The following PRKAR1B variants were observed in gnomAD, a reference collection of about 807,000 sequenced individuals.
The protein encoded by PRKAR1B is cAMP-dependent protein kinase type I-beta regulatory subunit.
Under a neutral mutation model 46.5 loss-of-function variants are expected in PRKAR1B, and 22 were observed. The observed-to-expected ratio is 0.47, with a 90% CI of 0.34 to 0.68. PRKAR1B has a LOEUF of 0.68. PRKAR1B is among the 30% of genes least tolerant of loss of function. PRKAR1B has a pLI of 0.01. For missense variants in PRKAR1B, 445 were observed against 535.6 expected, an observed-to-expected ratio of 0.83 and a Z score of 1.67; for synonymous variants, 259 against 217.7, an observed-to-expected ratio of 1.19 and a Z score of -1.67.
Position 550,682 on chromosome 7 carries a change from G to A in PRKAR1B, c.974-80C>T. The A allele has an allele frequency of 4.8e-6, 6 of 1,244,712 alleles. No individual in the cohort carries two copies. The South Asian group carries it at 6.4e-5, about 13-fold the overall frequency. 77.1% of individuals were successfully genotyped at this position (1,244,712 alleles called of 1,614,324 possible). A position where few individuals can be genotyped will look rare whatever the true frequency, so the allele number is the denominator to read the frequency against. On this transcript the variant is annotated intron_variant, in intron 10 of 10. Coordinates refer to ENST00000537384, the MANE Select transcript of PRKAR1B (RefSeq NM_001164760.2). ...AGGGAAAGATTATGTCCAGGACCCT[G>A]GAAGCGGCTCCCTTTTAAGGATAGG...
At chr7:646,968 G>A (rs1253928346) in intron 4 of PRKAR1B, among the ~76,000 whole-genome samples, 1 of 152,164 alleles carries the variant, frequency 6.6e-6, no homozygotes, top group African/African-American at 2.4e-5. Context: ...CCTGGCAGGG[G>A]TGACACTGCC....
rs146245836 is a variant in PRKAR1B at position 577,732 on chromosome 7, C to T, written c.891+1524G>A. 5.0e-3 allele frequency among the ~76,000 whole-genome samples: 759 copies of T among 152,320 alleles called. 4 individuals are homozygous for T. Among genetic ancestry groups the T allele is most frequent in the Non-Finnish European group, 8.7e-3 (590 of 68,042 alleles). ...CCACAGTTCAAACAACCATGGGGCA[C>T]AGGTGATGCATGTGGGCCCCAAAGT... is the stretch of plus-strand genomic sequence containing the variant. On this transcript the variant is annotated intron_variant, in intron 9 of 10. Coordinates refer to ENST00000537384, the MANE Select transcript of PRKAR1B (RefSeq NM_001164760.2).
At chr7:698,888 T>A (rs114291884) in intron 2 of PRKAR1B, among the ~76,000 whole-genome samples, 1 of 152,018 alleles carries the variant, frequency 6.6e-6, no homozygotes, top group Non-Finnish European at 1.5e-5. Flanking sequence ...GGCGGCTGTC[T>A]CCCCACCCCA....
At chr7:623,898 A>G (rs1393255118) in intron 4 of PRKAR1B, among the ~76,000 whole-genome samples, 1 of 152,216 alleles carries the variant, frequency 6.6e-6, no homozygotes, top group African/African-American at 2.4e-5. Flanking sequence ...GGTACAAGCC[A>G]AGTGTCCGCT....
At chr7:657,172 C>T (rs1400848256) in intron 4 of PRKAR1B, among the ~76,000 whole-genome samples, 1 of 149,886 alleles carries the variant, frequency 6.7e-6, no homozygotes, top group Non-Finnish European at 1.5e-5. Flanking sequence ...TGAATGGATG[C>T]ATGAGTGAAT....
At chr7:699,580 A>C (rs1479913449) in intron 2 of PRKAR1B, among the ~76,000 whole-genome samples, 1 of 151,950 alleles carries the variant, frequency 6.6e-6, no homozygotes, top group Admixed American at 6.6e-5. Context: ...TTGAAGCTCA[A>C]GCCGAGATCT....
chr7:571,398 A>G (rs1048587652), intron 9 of PRKAR1B, among the ~76,000 whole-genome samples: 3 of 152,154 alleles, frequency 2.0e-5, no homozygotes, highest in Non-Finnish European at 4.4e-5. Flanking sequence ...ATTTTGAACA[A>G]TGGGCCGTCC....
chr7:580,166 G>A (rs776269091), intron 8 of PRKAR1B, among the ~76,000 whole-genome samples: 19 of 151,496 alleles, frequency 1.3e-4, no homozygotes, highest in Middle Eastern at 3.4e-3. Flanking sequence ...GGGAGGTCGC[G>A]GCTGCAGTGA....
chr7:652,264 G>C (rs1320469027), intron 4 of PRKAR1B, among the ~76,000 whole-genome samples: 1 of 147,202 alleles, frequency 6.8e-6, no homozygotes, highest in Non-Finnish European at 1.5e-5. Flanking sequence ...TAGGAACCTG[G>C]GAAAACCCCT....
At chr7:582,169 G>GA (rs35955005) in intron 8 of PRKAR1B, among the ~76,000 whole-genome samples, 63,519 of 152,156 alleles carry the variant, frequency 0.42, 13,903 homozygotes, top group African/African-American at 0.48. Flanking sequence ...GCCCAGGGGG[G>GA]AACCCATCGT....
chr7:646,873 T>C (rs1404383401), intron 4 of PRKAR1B, among the ~76,000 whole-genome samples: 2 of 152,138 alleles, frequency 1.3e-5, no homozygotes, highest in African/African-American at 4.8e-5. Context: ...AAAAGGCCAT[T>C]AGCTGAGCTC....
chr7:558,830 T>C (rs1025803143), intron 9 of PRKAR1B, among the ~76,000 whole-genome samples: 1 of 152,186 alleles, frequency 6.6e-6, no homozygotes, highest in African/African-American at 2.4e-5. Context: ...CCCGGCTTCC[T>C]GTCCCTTGTC....
At chr7:676,926 C>T (rs185994640) in intron 4 of PRKAR1B, among the ~76,000 whole-genome samples, 58 of 146,202 alleles carry the variant, frequency 4.0e-4, no homozygotes, top group African/African-American at 1.1e-3. Flanking sequence ...GGGCAAGCAA[C>T]GGGGCCTGCC....
intron 4 of PRKAR1B, among the ~76,000 whole-genome samples, chr7:675,686 G>A (rs1051126458): frequency 2.6e-5 from 4 of 152,118 alleles, no homozygotes; most frequent in Non-Finnish European, 4.4e-5. Context: ...AGTGGCTCAC[G>A]CCTGTAATCC....
At chr7:551,837 T>C (rs1468379663) in intron 9 of PRKAR1B, among the ~76,000 whole-genome samples, 2 of 97,880 alleles carry the variant, frequency 2.0e-5, no homozygotes, top group East Asian at 3.2e-4. Flanking sequence ...CAGGTCCTTC[T>C]CCCAGAGCCA....
intron 4 of PRKAR1B, among the ~76,000 whole-genome samples, chr7:640,787 CACACACACACACACACACACAG>C (rs1352322341): frequency 1.2e-4 from 15 of 121,188 alleles, no homozygotes; most frequent in Admixed American, 8.2e-4. Context: ...CACACACACA[CACACACACACACACACACACAG>C]ACACAAATGA....
chr7:718,256 ACACAC>A (rs1780949071), intron 1 of PRKAR1B, among the ~76,000 whole-genome samples: 6 of 2,632 alleles, frequency 2.3e-3, no homozygotes, highest in African/African-American at 8.0e-3. Context: ...CTTTATAGAT[ACACAC>A]ACACACACAC....
chr7:611,529 C>T (rs968996374), intron 4 of PRKAR1B, among the ~76,000 whole-genome samples: 7 of 152,260 alleles, frequency 4.6e-5, no homozygotes, highest in African/African-American at 1.7e-4. Context: ...CACTCCCGAT[C>T]CTGATGCCTC....
rs770183757 is a variant in PRKAR1B, at chr7:550,397, TG to T, written c.*32del. The T allele has an allele frequency of 3.8e-6, 6 of 1,562,732 alleles. No homozygotes were observed. Among genetic ancestry groups the T allele is most frequent in the Non-Finnish European group, 5.2e-6 (6 of 1,153,350 alleles). On this transcript the variant is annotated 3_prime_UTR_variant, in exon 11 of 11. Coordinates refer to ENST00000537384, the MANE Select transcript of PRKAR1B (RefSeq NM_001164760.2). ...GACGAGCAGGGCACGGCCACCACAC[TG>T]GGGAGCTGGGGCTGCAGGGCGGGAG...
Sources: allele counts gnomAD v4.1 joint callset (sites outside exome capture counted in the v4.1 genomes callset), GRCh38; gene constraint gnomAD v4.1.1; transcripts MANE v1.5; gene names NCBI Gene and HGNC (gene_info 2026-07-23, HGNC 2026-07-21).